The following ENOX1 variants were observed in gnomAD, a reference collection of about 807,000 sequenced individuals.
The protein encoded by ENOX1 is candidate growth-related and time keeping constitutive hydroquinone (NADH) oxidase.
A neutral mutation model predicts 82.5 loss-of-function variants in ENOX1; 42 were observed. That is an observed-to-expected ratio of 0.51 (90% CI 0.40 to 0.66). The LOEUF (loss-of-function observed/expected upper bound fraction) is 0.66, where lower values mean the gene tolerates loss of function less well. Ranked by LOEUF, ENOX1 falls within the 30% of genes least tolerant of loss-of-function variation. ENOX1 has a pLI of 0.00. For missense variants in ENOX1, 608 were observed against 811.6 expected, an observed-to-expected ratio of 0.75 and a Z score of 3.05; for synonymous variants, 271 against 282.2, an observed-to-expected ratio of 0.96 and a Z score of 0.40.
chr13:43,598,952 A>G (rs1276245139), intron 2 of ENOX1, among the ~76,000 whole-genome samples: 1 of 152,180 alleles, frequency 6.6e-6, no homozygotes, highest in Non-Finnish European at 1.5e-5. Flanking sequence ...TCACTGACCC[A>G]CGTAAATGTG....
intron 2 of ENOX1, among the ~76,000 whole-genome samples, chr13:43,514,496 G>A (rs990067662): frequency 2.0e-5 from 3 of 152,140 alleles, no homozygotes; most frequent in African/African-American, 7.2e-5. Flanking sequence ...GTTGAGCTGG[G>A]AGTATTATCT....
chr13:43,476,192 C>CA (rs1235641831), intron 3 of ENOX1, among the ~76,000 whole-genome samples: 2 of 151,858 alleles, frequency 1.3e-5, no homozygotes, highest in Non-Finnish European at 2.9e-5. Context: ...TTCAGTAATT[C>CA]AAAAAAAGAT....
chr13:43,746,168 T>C (rs1157993307), intron 1 of ENOX1, among the ~76,000 whole-genome samples: 3 of 152,120 alleles, frequency 2.0e-5, no homozygotes, highest in African/African-American at 7.2e-5. Flanking sequence ...ACTATATTAA[T>C]ATATGTCAGT....
At chr13:43,444,406 C>T (rs1029904091) in intron 3 of ENOX1, among the ~76,000 whole-genome samples, 11 of 152,126 alleles carry the variant, frequency 7.2e-5, no homozygotes, top group Non-Finnish European at 1.0e-4. Flanking sequence ...CTTTCACAGA[C>T]GGCAAAGGAA....
chr13:43,307,375 T>A (rs1427668309), intron 11 of ENOX1, among the ~76,000 whole-genome samples: 1 of 152,140 alleles, frequency 6.6e-6, no homozygotes, highest in Non-Finnish European at 1.5e-5. Flanking sequence ...ATGTTACGAA[T>A]CTGAGATTCT....
chr13:43,455,198 T>C lies in ENOX1; in HGVS notation c.-75+28811A>G, dbSNP rs59540555. ...CTCTCATACTGAGTTAAACTTGTAA[T>C]TGAATTTTAAGTAAAATGTAATTTT... On this transcript the variant is annotated intron_variant, in intron 3 of 16. Coordinates refer to ENST00000690772, the MANE Select transcript of ENOX1 (RefSeq NM_001347969.2). 9.8e-3 allele frequency among the ~76,000 whole-genome samples: 1,488 copies of C among 152,306 alleles called. 22 individuals carry two copies. Among genetic ancestry groups the C allele is most frequent in the African/African-American group, 0.033 (1,377 of 41,552 alleles).
chr13:43,569,864 C>T (rs925024716), intron 2 of ENOX1, among the ~76,000 whole-genome samples: 1 of 152,154 alleles, frequency 6.6e-6, no homozygotes, highest in African/African-American at 2.4e-5. Flanking sequence ...AAACCCAGTT[C>T]ATAATCATCC....
At chr13:43,672,135 A>C (rs1012571916) in intron 1 of ENOX1, among the ~76,000 whole-genome samples, 1 of 152,064 alleles carries the variant, frequency 6.6e-6, no homozygotes, top group South Asian at 2.1e-4. Flanking sequence ...CTTCAACTCC[A>C]TTGCCCCCTC....
At chr13:43,771,122 A>C (rs146901084) in intron 1 of ENOX1, among the ~76,000 whole-genome samples, 2 of 152,336 alleles carry the variant, frequency 1.3e-5, no homozygotes, top group East Asian at 3.9e-4. Context: ...AAATAACATT[A>C]ATCAAAATGA....
At chr13:43,510,820 T>C (rs749026200) in intron 2 of ENOX1, among the ~76,000 whole-genome samples, 32 of 152,080 alleles carry the variant, frequency 2.1e-4, no homozygotes, top group Non-Finnish European at 4.0e-4. Flanking sequence ...GCCTAACTTA[T>C]AGGGTTGTGA....
intron 9 of ENOX1, among the ~76,000 whole-genome samples, chr13:43,335,695 A>G (rs2048659239): frequency 6.6e-6 from 1 of 151,872 alleles, no homozygotes; most frequent in African/African-American, 2.4e-5. Flanking sequence ...TGGTATTATT[A>G]AAGATTTTTT....
At chr13:43,491,207 A>C (rs1392776008) in intron 2 of ENOX1, among the ~76,000 whole-genome samples, 1 of 152,134 alleles carries the variant, frequency 6.6e-6, no homozygotes, top group Non-Finnish European at 1.5e-5. Context: ...TTAAACAACC[A>C]GATCTTGCAT....
chr13:43,635,768 G>A (rs1321408032), intron 2 of ENOX1, among the ~76,000 whole-genome samples: 1 of 152,114 alleles, frequency 6.6e-6, no homozygotes, highest in Non-Finnish European at 1.5e-5. Context: ...AGGAGAGGGA[G>A]AGAGAGAGAG....
intron 15 of ENOX1, among the ~76,000 whole-genome samples, chr13:43,236,393 C>T (rs972747793): frequency 5.3e-5 from 8 of 152,098 alleles, no homozygotes; most frequent in African/African-American, 1.9e-4. Flanking sequence ...TGCAACTTAG[C>T]GTATTCTTGA....
intron 8 of ENOX1, among the ~76,000 whole-genome samples, chr13:43,345,236 T>C (rs2153545725): frequency 6.6e-6 from 1 of 152,378 alleles, no homozygotes; most frequent in South Asian, 2.1e-4. Flanking sequence ...AAAGTGTTTG[T>C]AATGTATGGT....
intron 2 of ENOX1, among the ~76,000 whole-genome samples, chr13:43,594,772 C>A (rs536331151): frequency 1.3e-5 from 2 of 152,100 alleles, no homozygotes; most frequent in Non-Finnish European, 1.5e-5. Context: ...AACCTCACGA[C>A]CGAAGTTGAA....
intron 2 of ENOX1, among the ~76,000 whole-genome samples, chr13:43,575,781 G>A (rs941104496): frequency 6.6e-6 from 1 of 152,134 alleles, no homozygotes; most frequent in Non-Finnish European, 1.5e-5. Context: ...TAGCCCTTTG[G>A]TATTTTACTC....
At chr13:43,602,868 G>A (rs2092328538) in intron 2 of ENOX1, among the ~76,000 whole-genome samples, 1 of 152,008 alleles carries the variant, frequency 6.6e-6, no homozygotes, top group Non-Finnish European at 1.5e-5. Context: ...TTAAGTAGTA[G>A]ACAAACACAG....
chr13:43,599,375 T>G (rs1449819751), intron 2 of ENOX1, among the ~76,000 whole-genome samples: 1 of 151,316 alleles, frequency 6.6e-6, no homozygotes, highest in Non-Finnish European at 1.5e-5. Context: ...AAAGGGAGAG[T>G]GCAGTGATAG....
Sources: allele counts gnomAD v4.1 joint callset (sites outside exome capture counted in the v4.1 genomes callset), GRCh38; gene constraint gnomAD v4.1.1; transcripts MANE v1.5; gene names NCBI Gene and HGNC (gene_info 2026-07-23, HGNC 2026-07-21).